The following BDP1 variants were observed in gnomAD, a reference collection of about 807,000 sequenced individuals.
BDP1 encodes transcription factor TFIIIB component B'' homolog.
A neutral mutation model predicts 266.6 loss-of-function variants in BDP1; 169 were observed. The ratio of observed to expected loss-of-function variants is 0.63; its 90% CI spans 0.56 to 0.72. The LOEUF (loss-of-function observed/expected upper bound fraction) is 0.72, where lower values mean the gene tolerates loss of function less well. Ranked by LOEUF, BDP1 falls within the 30% of genes least tolerant of loss-of-function variation. The pLI, the probability that BDP1 is intolerant of heterozygous loss-of-function variation, is 0.00. For synonymous variants in BDP1, 1,090 were observed against 1,022.4 expected (o/e 1.07, Z -1.26); for missense variants, 3,015 against 3,053.8 (o/e 0.99, Z 0.30).
the BDP1 span, among the ~76,000 whole-genome samples, chr5:71,576,748 T>G: frequency 6.6e-6 from 1 of 152,318 alleles, no homozygotes; most frequent in East Asian, 1.9e-4. Context: ...CTTCTTTATA[T>G]AACACTGGGA....
At chr5:71,574,590 A>C in the BDP1 span, among the ~76,000 whole-genome samples, 4 of 152,360 alleles carry the variant, frequency 2.6e-5, no homozygotes, top group African/African-American at 9.6e-5. Flanking sequence ...TCCTTTACCC[A>C]CAGGATACAT....
At chr5:71,547,156 T>C (rs536091822) in intron 32 of BDP1, among the ~76,000 whole-genome samples, 1 of 149,882 alleles carries the variant, frequency 6.7e-6, no homozygotes, top group East Asian at 2.0e-4. Flanking sequence ...CCTGGCCAGC[T>C]TTTTTTTTAT....
chr5:71,477,433 GAC>G (rs1762659773), intron 7 of BDP1, among the ~76,000 whole-genome samples: 1 of 152,130 alleles, frequency 6.6e-6, no homozygotes, highest in Admixed American at 6.5e-5. Context: ...ACAGGCATGA[GAC>G]ACTGCACTTA....
At position 71,489,450 on chromosome 5, in the gene BDP1, T is replaced by A; in HGVS notation, c.1260T>A (p.Ser420=). The A allele has an allele frequency of 3.1e-6, 5 of 1,614,050 alleles. No homozygotes were observed. The highest frequency in any genetic ancestry group is 4.2e-6 in the Non-Finnish European group (5 of 1,179,940). ...CEGVNNDPDE[S]MSSRISDTER... ...GAGTGAATAATGATCCAGATGAGTC[T>A]ATGAGTTCTAGAATTTCAGACACGG... The change falls in exon 10 of 39, where the codon TCT becomes TCA. Residue 420 remains serine, a synonymous_variant. Transcript: ENST00000358731.
intron 5 of BDP1, among the ~76,000 whole-genome samples, chr5:71,466,771 A>G (rs1579986815): frequency 6.6e-6 from 1 of 152,156 alleles, no homozygotes; most frequent in South Asian, 2.1e-4. Flanking sequence ...AAGATGATAA[A>G]TTAGTAAGTA....
intron 15 of BDP1, 38 bp from the exon 16 acceptor site, chr5:71,504,583 G>A: frequency 6.4e-7 from 1 of 1,573,002 alleles, no homozygotes; most frequent in Non-Finnish European, 8.6e-7. Context: ...GCCTCATTGT[G>A]AAACCTAAAA....
chr5:71,551,437 C>G (rs1580203453), intron 34 of BDP1, among the ~76,000 whole-genome samples: 1 of 152,342 alleles, frequency 6.6e-6, no homozygotes, highest in South Asian at 2.1e-4. Context: ...GGTAAGGTCA[C>G]AGATCAACAG....
At chr5:71,559,230 C>T (rs1433179571) in intron 36 of BDP1, among the ~76,000 whole-genome samples, 1 of 152,206 alleles carries the variant, frequency 6.6e-6, no homozygotes, top group Non-Finnish European at 1.5e-5. Context: ...GACTGTGAAA[C>T]TGTAATATGG....
At chr5:71,550,261 C>G (rs764287681) in intron 34 of BDP1, among the ~76,000 whole-genome samples, 1 of 152,142 alleles carries the variant, frequency 6.6e-6, no homozygotes, top group African/African-American at 2.4e-5. Flanking sequence ...TGGCCTGCGC[C>G]TGTAATCCCA....
At chr5:71,536,249 T>C (rs1766590523) in intron 26 of BDP1, among the ~76,000 whole-genome samples, 1 of 152,208 alleles carries the variant, frequency 6.6e-6, no homozygotes, top group East Asian at 1.9e-4. Flanking sequence ...CCATGTATTG[T>C]AATTATTTTT....
Position 71,486,477 on chromosome 5 carries a change from T to A in BDP1, c.1070-7T>A, listed in dbSNP as rs1389244243. 1.6e-5 allele frequency: 24 copies of A among 1,537,544 alleles called. No individual in the cohort carries two copies. Among genetic ancestry groups the A allele is most frequent in the Non-Finnish European group, 2.0e-5 (23 of 1,156,078 alleles). On this transcript the variant is annotated splice_polypyrimidine_tract_variant and splice_region_variant and intron_variant, in intron 8 of 38. Transcript: ENST00000358731. ...ACTTGAAAGTTCTTTTCCTTTTCTT[T>A]AAACAGAGGAAAAGCGCCCTTTTGA...
chr5:71,492,942 T>C (rs1763679124), intron 11 of BDP1, among the ~76,000 whole-genome samples: 1 of 152,218 alleles, frequency 6.6e-6, no homozygotes, highest in African/African-American at 2.4e-5. Flanking sequence ...CTGTACCCAT[T>C]ATGCAGTAAT....
chr5:71,518,905 C>T (rs1167839456), intron 22 of BDP1, among the ~76,000 whole-genome samples: 2 of 142,398 alleles, frequency 1.4e-5, no homozygotes, highest in Admixed American at 7.3e-5. Flanking sequence ...TTGCAACCTT[C>T]GCCTCCTGGA....
Position 71,497,259 on chromosome 5 carries a change from T to A in BDP1, c.1800-11T>A. On this transcript the variant is annotated splice_polypyrimidine_tract_variant and intron_variant, in intron 12 of 38. Transcript: ENST00000358731. The stretch of plus-strand genomic sequence containing the variant: ...ATGTTTGATGCTATTTAAATAATGT[T>A]AATTTTTCAGGGAAATTGATCAAAC... 1.2e-6 allele frequency: 2 copies of A among 1,610,864 alleles called. No homozygotes were observed. Among genetic ancestry groups the A allele is most frequent in the South Asian group, 2.2e-5 (2 of 90,696 alleles).
rs762618829 is a variant in BDP1, at chr5:71,522,368, A to G, written c.5071A>G (p.Arg1691Gly). The G allele has an allele frequency of 8.7e-6, 14 of 1,613,906 alleles. No individual in the cohort carries two copies. The highest frequency in any genetic ancestry group is 1.2e-5 in the Non-Finnish European group (14 of 1,179,952). The change falls in exon 23 of 39, where the codon AGA (arginine) becomes GGA (glycine). Residue 1691 changes from arginine (R) to glycine (G), a missense_variant. Coordinates refer to ENST00000358731, the MANE Select transcript of BDP1 (RefSeq NM_018429.3). ...KFQKAKPNLGRAHSKKEEPVL... is the reference protein window; with the variant it reads ...KFQKAKPNLGGAHSKKEEPVL... ...CCAAAAGGCTAAGCCAAATTTGGGA[A>G]GAGCACACAGTAAGAAAGAGGAACC... is the stretch of plus-strand genomic sequence containing the variant.
chr5:71,520,559 A>T (rs1056596956), intron 22 of BDP1, among the ~76,000 whole-genome samples: 3 of 152,192 alleles, frequency 2.0e-5, no homozygotes, highest in Admixed American at 6.5e-5. Flanking sequence ...ATTACTAATT[A>T]TGGGATTATT....
At chr5:71,562,667 C>G (rs549463218) in intron 38 of BDP1, 147 bp downstream of exon 38, 47 of 1,481,984 alleles carry the variant, frequency 3.2e-5, no homozygotes, top group African/African-American at 2.6e-4. Flanking sequence ...TCGTGTTCCT[C>G]CATAATGGAA....
chr5:71,536,309 T>C (rs1324953720), intron 26 of BDP1, among the ~76,000 whole-genome samples: 1 of 152,216 alleles, frequency 6.6e-6, no homozygotes, highest in Non-Finnish European at 1.5e-5. Flanking sequence ...AAGTTTTCAT[T>C]AAAAGGCTAT....
At chr5:71,553,988 A>G (rs1451250228) in intron 35 of BDP1, among the ~76,000 whole-genome samples, 1 of 152,156 alleles carries the variant, frequency 6.6e-6, no homozygotes, top group African/African-American at 2.4e-5. Flanking sequence ...TCAGTCACCA[A>G]CCACTATGTT....
Sources: gnomAD v4.1 joint callset for allele counts (sites outside exome capture counted in the v4.1 genomes callset) on GRCh38, gnomAD v4.1.1 for gene constraint, MANE v1.5 for transcripts, NCBI Gene and HGNC (gene_info 2026-07-23, HGNC 2026-07-21) for gene names.